The following HSPG2 variants were observed in gnomAD, a reference collection of about 807,000 sequenced individuals.
HSPG2 encodes the protein basement membrane-specific heparan sulfate proteoglycan core protein.
Under a neutral mutation model 526.6 loss-of-function variants are expected in HSPG2, and 278 were observed. The ratio of observed to expected loss-of-function variants is 0.53; its 90% CI spans 0.48 to 0.58. The LOEUF (loss-of-function observed/expected upper bound fraction) is 0.58, where lower values mean the gene tolerates loss of function less well. Ranked by LOEUF, HSPG2 falls within the 20% of genes least tolerant of loss-of-function variation. The probability of loss-of-function intolerance (pLI) is 0.00; values close to 1 mark genes in which losing one functional copy is unlikely to be tolerated. For synonymous variants in HSPG2, 2,465 were observed against 2,555.4 expected (o/e 0.96, Z 1.07); for missense variants, 5,354 against 6,099.5 (o/e 0.88, Z 4.07).
At chr1:21,843,017 G>T in intron 66 of HSPG2, 96 bp from the exon 67 acceptor site, 1 of 1,431,566 alleles carries the variant, frequency 7.0e-7, no homozygotes, top group Non-Finnish European at 9.8e-7. Flanking sequence ...AGTTGATCCT[G>T]GGGGCGCGGT....
chr1:21,890,915 G>A lies in HSPG2; in HGVS notation c.245-221C>T, dbSNP rs141869303. On this transcript the variant is annotated intron_variant, in intron 3 of 96. Transcript: ENST00000374695. This position sits in a 1 kb window ranked among gnomAD's most constrained non-coding sequence, Gnocchi z 4.1. Reference sequence around the variant, plus strand: ...TGACTGAGGGGCTTTAACTAACAGGGGAAATGGCCTGATCCAGAAACCAAG... The same window carrying A: ...TGACTGAGGGGCTTTAACTAACAGGAGAAATGGCCTGATCCAGAAACCAAG... Among the ~76,000 whole-genome samples, 54 of 152,354 alleles carry A rather than the reference G, an allele frequency of 3.5e-4. No individual in the cohort carries two copies. The highest frequency in any genetic ancestry group is 1.3e-3 in the African/African-American group (53 of 41,584).
rs985763079 is a variant in HSPG2, at chr1:21,898,609, A to G, written c.64-2299T>C. Among the ~76,000 whole-genome samples the G allele has an allele frequency of 6.6e-6, 1 of 152,222 alleles. No homozygotes were observed. Among genetic ancestry groups the G allele is most frequent in the African/African-American group, 2.4e-5 (1 of 41,466 alleles). ...TAGAACCGTAAGACCAGCCCCTACC[A>G]GGCGCTCTGCCTCCTTCCCTGGGTG... On this transcript the variant is annotated intron_variant, in intron 1 of 96. Transcript: ENST00000374695. This position sits in a 1 kb window ranked among gnomAD's most constrained non-coding sequence, Gnocchi z 4.0.
Position 21,855,769 on chromosome 1 carries a change from T to C in HSPG2, c.5701+18A>G, listed in dbSNP as rs1309683468. ...CAGGAGAGTCAGGCCTTGAATGTCA[T>C]TCCCATCACGGCCTCACCTGTCCAC... On this transcript the variant is annotated intron_variant, in intron 45 of 96. Transcript: ENST00000374695. 1 of 1,612,494 alleles carries C rather than the reference T, an allele frequency of 6.2e-7. No homozygotes were observed. The highest frequency in any genetic ancestry group is 1.7e-5 in the Admixed American group (1 of 59,890).
intron 1 of HSPG2, among the ~76,000 whole-genome samples, chr1:21,918,213 T>A: frequency 6.6e-6 from 1 of 152,060 alleles, no homozygotes; most frequent in East Asian, 1.9e-4. Flanking sequence ...GTCTGTAATC[T>A]CAGCACTTTG....
intron 1 of HSPG2, among the ~76,000 whole-genome samples, chr1:21,917,582 G>C (rs1429231062): frequency 1.3e-5 from 2 of 152,128 alleles, no homozygotes; most frequent in Non-Finnish European, 2.9e-5. Context: ...AAAAAAGCTG[G>C]GCTTGGACTT....
chr1:21,828,534 G>T lies in HSPG2; in HGVS notation c.12238-108C>A, dbSNP rs895053604. 9.2e-6 allele frequency: 11 copies of T among 1,195,732 alleles called. No individual in the cohort carries two copies. Among genetic ancestry groups the T allele is most frequent in the Middle Eastern group, 2.2e-4 (1 of 4,498 alleles). 74.1% of individuals were successfully genotyped at this position (1,195,732 alleles called of 1,614,324 possible). A position where few individuals can be genotyped will look rare whatever the true frequency, so the allele number is the denominator to read the frequency against. On this transcript the variant is annotated intron_variant, in intron 88 of 96. Transcript: ENST00000374695. This position sits in a 1 kb window ranked among gnomAD's most constrained non-coding sequence, Gnocchi z 6.0. ...GAGGGGAGCTGGGAGCCCACATTGG[G>T]CCCTGAGTGGTAGCATGGATTCTCG... is the stretch of plus-strand genomic sequence containing the variant.
rs777081734 is a variant in HSPG2 at position 21,828,148 on chromosome 1, G to A, written c.12414C>T (p.Asp4138=). 5.5e-5 allele frequency: 89 copies of A among 1,607,012 alleles called. No individual in the cohort carries two copies. Among genetic ancestry groups the A allele is most frequent in the Non-Finnish European group, 7.2e-5 (85 of 1,176,406 alleles). The change falls in exon 90 of 97, where the codon GAC becomes GAT. Residue 4138 remains aspartate, a synonymous_variant. Coordinates refer to ENST00000374695, the MANE Select transcript of HSPG2 (RefSeq NM_005529.7). This position sits in a 1 kb window ranked among gnomAD's most constrained non-coding sequence, Gnocchi z 6.0. ...QCLCRDGFKG[D]LCEHEENPCQ... is the part of the protein sequence containing the mutation. ...AGGGGTTCTCCTCGTGCTCACACAG[G>A]TCTCCTGTGGGCCAGGGCAGAGGCG...
rs371203983 is a variant in HSPG2 at position 21,850,377 on chromosome 1, G to A, written c.7280C>T (p.Ala2427Val). 2.7e-5 allele frequency: 41 copies of A among 1,505,766 alleles called. No homozygotes were observed. Among genetic ancestry groups the A allele is most frequent in the South Asian group, 5.6e-5 (5 of 89,038 alleles). 93.3% of individuals were successfully genotyped at this position (1,505,766 alleles called of 1,614,324 possible). Residue 2427 changes from alanine to valine, a missense_variant, in exon 56 of 97, where the codon GCG (alanine) becomes GTG (valine). By Grantham distance (64) the Ala-to-Val change is moderately conservative. Transcript: ENST00000374695. ...EASVLVTIEP[A>V]GSVPALGVTP... ...GAGCTACTCACCAGGCACTGAGCCCGCAGGCTCAATGGTGACCAGGACAGA... is the reference window on the plus strand; with the variant it reads ...GAGCTACTCACCAGGCACTGAGCCCACAGGCTCAATGGTGACCAGGACAGA...
chr1:21,928,589 C>T (rs970786551), intron 1 of HSPG2, among the ~76,000 whole-genome samples: 1 of 151,824 alleles, frequency 6.6e-6, no homozygotes, highest in Non-Finnish European at 1.5e-5. Flanking sequence ...TACAGTCATG[C>T]ACCACCACAC....
In HSPG2 at chr1:21,881,450, C is replaced by G. The variant is rs151214695; in HGVS notation, c.1707G>C (p.Thr569=). The G allele has an allele frequency of 4.3e-6, 7 of 1,613,416 alleles. No individual in the cohort carries two copies. In the African/African-American group the frequency reaches 9.3e-5, roughly 22 times the overall value. ...GCAGGGATGGGTCGATCTGCAGCTG[C>G]GTGGAGGAGAGGGGTGGCGTGCCGG... ...AQPGTPPLSS[T]QLQIDPSLHE... The change falls in exon 14 of 97, where the codon ACG becomes ACC. Residue 569 remains threonine (T), a synonymous_variant. Coordinates refer to ENST00000374695, the MANE Select transcript of HSPG2 (RefSeq NM_005529.7).
chr1:21,829,393 C>T lies in HSPG2; in HGVS notation c.11982G>A (p.Glu3994=), dbSNP rs139290729. 1.2e-6 allele frequency: 2 copies of T among 1,613,292 alleles called. No homozygotes were observed. The highest frequency in any genetic ancestry group is 1.7e-6 in the Non-Finnish European group (2 of 1,179,936). ...MVGGHLEFRY[E]LGSGLAVLRS... ...GTGCTGGGTGCTTACCTGACCCCAA[C>T]TCATAGCGGAACTCCAGGTGGCCGC... Residue 3994 remains glutamate, a synonymous_variant, in exon 87 of 97, where the codon GAG becomes GAA. Coordinates refer to ENST00000374695, the MANE Select transcript of HSPG2 (RefSeq NM_005529.7).
Position 21,864,055 on chromosome 1 carries a change from G to T in HSPG2, c.4740+45C>A. The T allele has an allele frequency of 7.0e-7, 1 of 1,437,856 alleles. No homozygotes were observed. Among genetic ancestry groups the T allele is most frequent in the South Asian group, 1.2e-5 (1 of 81,682 alleles). 89.1% of individuals were successfully genotyped at this position (1,437,856 alleles called of 1,614,324 possible). A position where few individuals can be genotyped will look rare whatever the true frequency, so the allele number is the denominator to read the frequency against. ...TGTCCAGCCCTGGTCCCCCACCCAG[G>T]CCCAGCTGAGCTGACCCCCTGTCCT... On this transcript the variant is annotated intron_variant, in intron 37 of 96. Transcript: ENST00000374695. The surrounding 1 kb of genome is among the most constrained non-coding windows in gnomAD (Gnocchi z 4.8).
intron 67 of HSPG2, 33 bp downstream of exon 67, chr1:21,842,737 G>C (rs746544709): frequency 6.2e-7 from 1 of 1,612,050 alleles, no homozygotes; most frequent in South Asian, 1.1e-5. Context: ...AACCTTGCCT[G>C]ACCTGGAATC....
At position 21,875,628 on chromosome 1, in the gene HSPG2, C is replaced by T. The variant is rs758786875; in HGVS notation, c.3302+1G>A. 6.2e-7 allele frequency: 1 copy of T among 1,600,568 alleles called. No individual in the cohort carries two copies. The highest frequency in any genetic ancestry group is 8.5e-7 in the Non-Finnish European group (1 of 1,179,528). Reference sequence around the variant, plus strand: ...GGTCCTCCTGCCCCGGCTCCAGACACCTGCTCTCAGCGGGCTGCTGGGCGT... The same window carrying T: ...GGTCCTCCTGCCCCGGCTCCAGACATCTGCTCTCAGCGGGCTGCTGGGCGT... On this transcript the variant is annotated splice_donor_variant, in intron 25 of 96. Coordinates refer to ENST00000374695, the MANE Select transcript of HSPG2 (RefSeq NM_005529.7). LOFTEE classifies it high-confidence loss of function.
At chr1:21,882,059 A>C (rs1008468044) in intron 13 of HSPG2, among the ~76,000 whole-genome samples, 1 of 152,018 alleles carries the variant, frequency 6.6e-6, no homozygotes, top group Admixed American at 6.6e-5. Context: ...AATGCCATGG[A>C]ATGATAGCTG....
chr1:21,838,709 G>A, intron 74 of HSPG2, 116 bp downstream of exon 74: 2 of 1,107,188 alleles, frequency 1.8e-6, no homozygotes. Flanking sequence ...GGGGAGATGA[G>A]GGCATTCCAG....
intron 20 of HSPG2, 71 bp downstream of exon 20, chr1:21,878,362 G>C: frequency 6.4e-7 from 1 of 1,572,010 alleles, no homozygotes; most frequent in Non-Finnish European, 8.7e-7. Flanking sequence ...GGCAGGGAGG[G>C]AGGGTGCCTG....
chr1:21,914,430 C>T (rs1194815628), intron 1 of HSPG2, among the ~76,000 whole-genome samples: 1 of 152,034 alleles, frequency 6.6e-6, no homozygotes, highest in African/African-American at 2.4e-5. Context: ...GCCAGGAGGC[C>T]GGTTATCTAA....
chr1:21,847,285 C>A lies in HSPG2; in HGVS notation c.8164+69G>T. 6.3e-7 allele frequency: 1 copy of A among 1,589,568 alleles called. No homozygotes were observed. The highest frequency in any genetic ancestry group is 2.2e-5 in the East Asian group (1 of 44,734). On this transcript the variant is annotated intron_variant, in intron 62 of 96. Transcript: ENST00000374695. This position sits in a 1 kb window ranked among gnomAD's most constrained non-coding sequence, Gnocchi z 4.1. ...GTACCACCAGGTCTGAGGACTCTGA[C>A]CTGAAAGTTCCTTCTCCCCAGGGAA...
Sources: gnomAD v4.1 joint callset for allele counts (sites outside exome capture counted in the v4.1 genomes callset) on GRCh38, gnomAD v4.1.1 for gene constraint, Gnocchi (gnomAD v3.1) non-coding constraint, MANE v1.5 for transcripts, NCBI Gene and HGNC (gene_info 2026-07-23, HGNC 2026-07-21) for gene names.